TBC1D17: variants seen among roughly 807,000 people sequenced by gnomAD.
TBC1D17 encodes the protein TBC1 domain family member 17, also known as TBC1 domain family, member 17.
TBC1D17 carries 69 observed loss-of-function variants against 78.8 expected under a neutral mutation model. That is an observed-to-expected ratio of 0.88 (90% CI 0.72 to 1.07). The LOEUF is 1.07. Ranked by LOEUF, TBC1D17 falls within the 50% of genes least tolerant of loss-of-function variation. TBC1D17 has a pLI of 0.00. For missense variants in TBC1D17, 957 were observed against 861.0 expected (o/e 1.11, Z -1.39); for synonymous variants, 456 against 358.3 (o/e 1.27, Z -3.08).
At chr19:49,879,189 G>A (rs921673628) in intron 3 of TBC1D17, 2 of 152,458 alleles carry the variant, frequency 1.3e-5, no homozygotes, top group African/African-American at 2.4e-5. Flanking sequence ...GGACTCCCAG[G>A]ATATGAAAGG....
At position 49,881,535 on chromosome 19, in the gene TBC1D17, T is replaced by A. The variant is rs2075013240; in HGVS notation, c.527+60T>A. 6.6e-6 allele frequency: 10 copies of A among 1,525,586 alleles called. No individual in the cohort carries two copies. The Admixed American group carries it at 1.7e-4, about 26-fold the overall frequency. The allele number at this position is 1,525,586 out of a possible 1,614,324, so 94.5% of individuals were successfully genotyped here. A position where few individuals can be genotyped will look rare whatever the true frequency, so the allele number is the denominator to read the frequency against. ...GCCCAGTCCCACCATGGCTGCAGCG[T>A]GACCCCTCGGGGCTGTGAAAGAAAC... On this transcript the variant is annotated intron_variant, in intron 5 of 16. Transcript: ENST00000221543.
Position 49,877,735 on chromosome 19 carries a change from C to G in TBC1D17, c.12C>G (p.Ala4=), listed in dbSNP as rs755734419. Residue 4 remains alanine, a synonymous_variant, in exon 1 of 17, where the codon GCC becomes GCG. Coordinates refer to ENST00000221543, the MANE Select transcript of TBC1D17 (RefSeq NM_024682.3). MEG[A]GYRVVFEKGG... ...CTTCGGCGGCGACTATGGAAGGAGC[C>G]GGCTACAGGGTAAGCACTGAGGACG... The G allele has an allele frequency of 3.8e-6, 6 of 1,598,280 alleles. No homozygotes were observed. In the South Asian group the frequency reaches 5.7e-5, roughly 15 times the overall value.
At chr19:49,887,963 G>A in intron 15 of TBC1D17, 129 bp downstream of exon 15, 1 of 947,584 alleles carries the variant, frequency 1.1e-6, no homozygotes, top group East Asian at 2.6e-5. Context: ...GCGCAGTGGG[G>A]GTGGGGCCGC....
intron 4 of TBC1D17, 25 bp from the exon 5 acceptor site, chr19:49,881,243 C>G: frequency 6.2e-7 from 1 of 1,604,282 alleles, no homozygotes. Context: ...CACGCGCTTC[C>G]CCCAACACAG....
intron 15 of TBC1D17, 79 bp downstream of exon 15, chr19:49,887,913 G>A: frequency 9.8e-6 from 12 of 1,222,866 alleles, no homozygotes; most frequent in Non-Finnish European, 1.4e-5. Context: ...CGGGGAGCAG[G>A]TGTTTAGTGT....
chr19:49,887,575 T>C lies in TBC1D17; in HGVS notation c.1542+2T>C. ...CCGGATGTCCTTCGGCTGTGGGAGG[T>C]GGGCCAGCCAGTTTGGGCGAGAGGC... is the stretch of plus-strand genomic sequence containing the variant. On this transcript the variant is annotated splice_donor_variant, in intron 14 of 16. Transcript: ENST00000221543. LOFTEE classifies it high-confidence loss of function. 1 of 1,613,668 alleles carries C rather than the reference T, an allele frequency of 6.2e-7. No individual in the cohort carries two copies. Among genetic ancestry groups the C allele is most frequent in the Non-Finnish European group, 8.5e-7 (1 of 1,179,906 alleles).
At chr19:49,883,414 G>A (rs1000734337) in intron 9 of TBC1D17, among the ~76,000 whole-genome samples, 3 of 152,216 alleles carry the variant, frequency 2.0e-5, no homozygotes, top group African/African-American at 7.2e-5. Context: ...TGTCCCTGGT[G>A]CCCTGTCCAG....
chr19:49,888,059 G>C (rs78137368), intron 15 of TBC1D17, 172 bp from the exon 16 acceptor site: 34,091 of 1,155,620 alleles, frequency 0.03, 807 homozygotes, highest in South Asian at 0.089. Flanking sequence ...CCCCGAGTAC[G>C]TGCTCAGAAT....
chr19:49,887,606 G>A (rs749046110), intron 14 of TBC1D17, 33 bp downstream of exon 14: 38 of 1,612,740 alleles, frequency 2.4e-5, no homozygotes, highest in Non-Finnish European at 2.9e-5. Context: ...GAGGCCTGAA[G>A]GGGTGGGCTC....
Position 49,883,725 on chromosome 19 carries a change from A to T in TBC1D17, c.1106A>T (p.His369Leu). 6.2e-7 allele frequency: 1 copy of T among 1,613,910 alleles called. No homozygotes were observed. The change falls in exon 10 of 17, where the codon CAT becomes CTT. Residue 369 changes from histidine (H) to leucine (L), a missense_variant. Coordinates refer to ENST00000221543, the MANE Select transcript of TBC1D17 (RefSeq NM_024682.3). ...CAGGAGCGGAGAAACTCACTTCTGC[A>T]TGGATACCGCAGCCTCATCGGTCAG... ...PEQERRNSLL[H>L]GYRSLIERDV... is the part of the protein sequence containing the mutation.
chr19:49,884,881 C>A (rs1403651943), intron 13 of TBC1D17, 123 bp downstream of exon 13: 3 of 842,472 alleles, frequency 3.6e-6, no homozygotes, highest in South Asian at 1.6e-5. Context: ...AACATCCCCA[C>A]ACAACCTAGA....
chr19:49,887,089 A>G (rs2122473463), intron 13 of TBC1D17: 1 of 252,788 alleles, frequency 4.0e-6, no homozygotes, highest in African/African-American at 2.3e-5. Flanking sequence ...CACCCGCCTC[A>G]CCCTCCCAAA....
At chr19:49,888,152 C>G (rs879791294) in intron 15 of TBC1D17, 79 bp from the exon 16 acceptor site, 15 of 1,546,642 alleles carry the variant, frequency 9.7e-6, no homozygotes, top group Admixed American at 3.9e-5. Flanking sequence ...TTCATTGTTT[C>G]CCAGCACGAA....
At chr19:49,882,453 C>T in intron 7 of TBC1D17, 53 bp downstream of exon 7, 3 of 1,565,754 alleles carry the variant, frequency 1.9e-6, no homozygotes, top group Non-Finnish European at 2.6e-6. Context: ...TCCCTGGGCG[C>T]ATGATTTCAT....
rs777980861 is a variant in TBC1D17 at position 49,887,781 on chromosome 19, A to G, written c.1606A>G (p.Met536Val). 1.1e-5 allele frequency: 17 copies of G among 1,612,986 alleles called. 1 individual carries two copies. The highest frequency in any genetic ancestry group is 2.2e-5 in the South Asian group (2 of 90,858). ...HLLVACAILD[M>V]ERDTLMLSGF... The stretch of plus-strand genomic sequence containing the variant: ...GCTGGTGGCCTGCGCCATCCTGGAC[A>G]TGGAGAGGGACACCCTCATGCTGTC... The change falls in exon 15 of 17, where the codon ATG becomes GTG. Residue 536 changes from methionine (M) to valine (V), a missense_variant. By Grantham distance (21) the Met-to-Val change is conservative. Transcript: ENST00000221543.
intron 2 of TBC1D17, 39 bp downstream of exon 2, chr19:49,878,280 C>CGGGATGCAGGCGGTCT (rs751940103): frequency 8.5e-5 from 131 of 1,535,964 alleles, no homozygotes; most frequent in Admixed American, 2.0e-4. Flanking sequence ...CCGCTCCGAG[C>CGGGATGCAGGCGGTCT]GGGATGCAGG....
chr19:49,878,361 G>A, intron 2 of TBC1D17, 120 bp downstream of exon 2: 1 of 1,236,640 alleles, frequency 8.1e-7, no homozygotes, highest in Admixed American at 2.0e-5. Flanking sequence ...AAGAAGGCTG[G>A]GTGTGGGAAC....
chr19:49,880,419 G>C lies in TBC1D17; in HGVS notation c.319+17G>C, dbSNP rs751752375. The C allele has an allele frequency of 5.6e-6, 9 of 1,611,836 alleles. No individual in the cohort carries two copies. Among genetic ancestry groups the C allele is most frequent in the Non-Finnish European group, 6.8e-6 (8 of 1,178,652 alleles). On this transcript the variant is annotated intron_variant, in intron 4 of 16. Coordinates refer to ENST00000221543, the MANE Select transcript of TBC1D17 (RefSeq NM_024682.3). ...CCACGAGAGGTAGGCTGAGGTGGCGGCCCTTGAGAAGCACGTGTGGGCCAG... is the reference window on the plus strand; with the variant it reads ...CCACGAGAGGTAGGCTGAGGTGGCGCCCCTTGAGAAGCACGTGTGGGCCAG...
rs747533779 is a variant in TBC1D17 at position 49,877,745 on chromosome 19, G to T, written c.21+1G>T. The T allele has an allele frequency of 3.1e-6, 5 of 1,595,398 alleles. No individual in the cohort carries two copies. In the East Asian group the frequency reaches 9.0e-5, roughly 29 times the overall value. On this transcript the variant is annotated splice_donor_variant, in intron 1 of 16. Coordinates refer to ENST00000221543, the MANE Select transcript of TBC1D17 (RefSeq NM_024682.3). LOFTEE classifies it high-confidence loss of function. ...GACTATGGAAGGAGCCGGCTACAGG[G>T]TAAGCACTGAGGACGCATTCCCTCG...
Sources: allele counts gnomAD v4.1 joint callset (sites outside exome capture counted in the v4.1 genomes callset), GRCh38; gene constraint gnomAD v4.1.1; transcripts MANE v1.5; gene names NCBI Gene and HGNC (gene_info 2026-07-23, HGNC 2026-07-21).